The following CSTF3 variants were observed in gnomAD, a reference collection of about 807,000 sequenced individuals.
CSTF3 encodes CF-1 77 kDa subunit.
In CSTF3, 29 loss-of-function variants were observed where a neutral mutation model predicts 105.8. The ratio of observed to expected loss-of-function variants is 0.27; its 90% CI spans 0.20 to 0.37. The LOEUF is 0.37. CSTF3 is among the 10% of genes least tolerant of loss of function. The pLI, the probability that CSTF3 is intolerant of heterozygous loss-of-function variation, is 1.00. For missense variants in CSTF3, 357 were observed against 879.3 expected, an observed-to-expected ratio of 0.41 and a Z score of 7.51; for synonymous variants, 252 against 281.9, an observed-to-expected ratio of 0.89 and a Z score of 1.06.
At chr11:33,153,963 G>C (rs1449540943) in intron 1 of CSTF3, among the ~76,000 whole-genome samples, 1 of 152,104 alleles carries the variant, frequency 6.6e-6, no homozygotes, top group Non-Finnish European at 1.5e-5. Flanking sequence ...AGTATTTCTC[G>C]CTATTCAGGG....
Position 33,085,207 on chromosome 11 carries a change from T to G in CSTF3, c.2034A>C (p.Ala678=). 1 of 1,611,744 alleles carries G rather than the reference T, an allele frequency of 6.2e-7. No homozygotes were observed. The highest frequency in any genetic ancestry group is 1.1e-5 in the South Asian group (1 of 90,684). The change falls in exon 21 of 21, where the codon GCA becomes GCC. Residue 678 remains alanine, a synonymous_variant. Transcript: ENST00000323959. ...VEGNGPVESN[A]VLTKAVKRPN... is the part of the protein sequence containing the mutation. ...GCCTTTTGACGGCCTTGGTGAGTAC[T>G]GCATTACTTTCCACGGGGCCGTTGC...
At chr11:33,129,870 T>A (rs939467246) in intron 3 of CSTF3, among the ~76,000 whole-genome samples, 4 of 152,222 alleles carry the variant, frequency 2.6e-5, no homozygotes, top group African/African-American at 9.6e-5. Context: ...ATAATACAAA[T>A]TCTGATGCAA....
chr11:33,093,769 G>A (rs763511981), intron 15 of CSTF3, among the ~76,000 whole-genome samples: 5 of 152,102 alleles, frequency 3.3e-5, no homozygotes, highest in South Asian at 2.1e-4. Context: ...GTGCAGTGGC[G>A]CAATATCAGC....
chr11:33,132,715 A>G (rs1007317870), intron 3 of CSTF3, among the ~76,000 whole-genome samples: 2 of 152,196 alleles, frequency 1.3e-5, no homozygotes, highest in African/African-American at 4.8e-5. Context: ...AAGTGCTAAG[A>G]ATTTCATTAT....
intron 3 of CSTF3, among the ~76,000 whole-genome samples, chr11:33,140,052 A>C (rs1339653711): frequency 6.6e-6 from 1 of 152,098 alleles, no homozygotes; most frequent in Non-Finnish European, 1.5e-5. Context: ...TTGAGAAACA[A>C]GGAAATTTCA....
At chr11:33,120,161 C>CTTA (rs1280491653) in intron 3 of CSTF3, among the ~76,000 whole-genome samples, 1 of 151,184 alleles carries the variant, frequency 6.6e-6, no homozygotes, top group East Asian at 1.9e-4. Context: ...ACTGGAAACA[C>CTTA]TGTAAATGAT....
chr11:33,093,958 G>A (rs1855194478), intron 15 of CSTF3, among the ~76,000 whole-genome samples: 3 of 152,038 alleles, frequency 2.0e-5, no homozygotes, highest in South Asian at 2.1e-4. Context: ...TGCCTGCCTC[G>A]GCCTCCCAAA....
rs866347924 is a variant in CSTF3, at chr11:33,103,828, T to C, written c.586-644A>G. On this transcript the variant is annotated intron_variant, in intron 8 of 20. Coordinates refer to ENST00000323959, the MANE Select transcript of CSTF3 (RefSeq NM_001326.3). ...GTGAATAGCCATGGCTTGACTTTGATAGCCCTTTTCTTTTTCTTTTTTATA... is the reference window on the plus strand; with the variant it reads ...GTGAATAGCCATGGCTTGACTTTGACAGCCCTTTTCTTTTTCTTTTTTATA... Among the ~76,000 whole-genome samples, 5 of 152,156 alleles carry C rather than the reference T, an allele frequency of 3.3e-5. No homozygotes were observed. In the Middle Eastern group the frequency reaches 0.014, roughly 414 times the overall value.
chr11:33,138,577 G>A (rs958275931), intron 3 of CSTF3, among the ~76,000 whole-genome samples: 2 of 151,682 alleles, frequency 1.3e-5, no homozygotes, highest in African/African-American at 2.4e-5. Context: ...ATCCTTATCC[G>A]ATTAAATAGC....
At chr11:33,154,199 A>C (rs1849825514) in intron 1 of CSTF3, among the ~76,000 whole-genome samples, 1 of 152,210 alleles carries the variant, frequency 6.6e-6, no homozygotes, top group South Asian at 2.1e-4. Context: ...TTAGGTTTGA[A>C]ATCAGAGTCT....
chr11:33,126,891 G>T (rs1396142999), intron 3 of CSTF3, among the ~76,000 whole-genome samples: 1 of 152,110 alleles, frequency 6.6e-6, no homozygotes, highest in Non-Finnish European at 1.5e-5. Flanking sequence ...AGTATTATAG[G>T]GGAAAAGGAG....
intron 1 of CSTF3, among the ~76,000 whole-genome samples, chr11:33,152,995 G>A (rs67204237): frequency 0.13 from 18,904 of 150,920 alleles, 2,954 homozygotes; most frequent in African/African-American, 0.37. Flanking sequence ...GAGCCCAGAG[G>A]GATTCTATCA....
chr11:33,115,045 A>G (rs1457865609), intron 3 of CSTF3, among the ~76,000 whole-genome samples: 2 of 152,202 alleles, frequency 1.3e-5, no homozygotes, highest in African/African-American at 4.8e-5. Flanking sequence ...GGATCCATCT[A>G]AAGTGAGTTC....
intron 1 of CSTF3, among the ~76,000 whole-genome samples, chr11:33,157,031 T>C (rs926421850): frequency 6.6e-6 from 1 of 151,410 alleles, no homozygotes; most frequent in Admixed American, 6.6e-5. Flanking sequence ...AAGAATGAGA[T>C]CAAAAGTTGA....
intron 3 of CSTF3, among the ~76,000 whole-genome samples, chr11:33,125,815 C>A (rs533285693): frequency 6.6e-6 from 1 of 152,150 alleles, no homozygotes; most frequent in African/African-American, 2.4e-5. Flanking sequence ...GCTTTCAGGG[C>A]CAAAACAGTT....
rs149508038 is a variant in CSTF3 at position 33,152,069 on chromosome 11, C to T, written c.27+9230G>A. On this transcript the variant is annotated intron_variant, in intron 1 of 20. Coordinates refer to ENST00000323959, the MANE Select transcript of CSTF3 (RefSeq NM_001326.3). Reference sequence around the variant, plus strand: ...AGGAGTTTGAGACCAGCCTGGCCAACATGGTGAAACCTTGTCTCTACTAAA... The same window carrying T: ...AGGAGTTTGAGACCAGCCTGGCCAATATGGTGAAACCTTGTCTCTACTAAA... 8.1e-4 allele frequency among the ~76,000 whole-genome samples: 123 copies of T among 152,000 alleles called. 1 individual carries two copies. Among genetic ancestry groups the T allele is most frequent in the African/African-American group, 2.8e-3 (115 of 41,458 alleles).
At chr11:33,141,857 A>T in intron 2 of CSTF3, 28 bp downstream of exon 2, 3 of 1,574,982 alleles carry the variant, frequency 1.9e-6, no homozygotes, top group Non-Finnish European at 2.6e-6. Flanking sequence ...ACCCATAGAG[A>T]AGGAAATGTA....
chr11:33,099,529 T>A lies in CSTF3; in HGVS notation c.936+79A>T, dbSNP rs1329136560. On this transcript the variant is annotated intron_variant, in intron 11 of 20. Transcript: ENST00000323959. The surrounding 1 kb of genome is among the most constrained non-coding windows in gnomAD (Gnocchi z 4.1). ...AATACTTATGCTTTATTACCAAAAT[T>A]CAGTTATATTTTTCAGTAAATAATT... 1 of 941,604 alleles carries A rather than the reference T, an allele frequency of 1.1e-6. No homozygotes were observed. 58.3% of individuals were successfully genotyped at this position (941,604 alleles called of 1,614,324 possible). A position where few individuals can be genotyped will look rare whatever the true frequency, so the allele number is the denominator to read the frequency against.
chr11:33,150,219 T>TAAAAAAAAAAAAAAAAAAAA (rs10714096), intron 1 of CSTF3, among the ~76,000 whole-genome samples: 1 of 104,380 alleles, frequency 9.6e-6, no homozygotes, highest in Non-Finnish European at 1.9e-5. Flanking sequence ...TGTCTCAAAC[T>TAAAAAAAAAAAAAAAAAAAA]AAAAAAAAAA....
Sources: gnomAD v4.1 joint callset for allele counts (sites outside exome capture counted in the v4.1 genomes callset) on GRCh38, gnomAD v4.1.1 for gene constraint, Gnocchi (gnomAD v3.1) non-coding constraint, MANE v1.5 for transcripts, NCBI Gene and HGNC (gene_info 2026-07-23, HGNC 2026-07-21) for gene names.